Variants in DIDO1 observed in about 807,000 individuals in gnomAD.
The protein encoded by DIDO1 is death-inducer obliterator 1.
Under a neutral mutation model 99.4 loss-of-function variants are expected in DIDO1, and 16 were observed. That is an observed-to-expected ratio of 0.16 (90% CI 0.11 to 0.24). DIDO1 has a LOEUF of 0.24. DIDO1 is among the 10% of genes least tolerant of loss of function. DIDO1 has a pLI of 1.00. For missense variants in DIDO1, 2,996 were observed against 3,014.0 expected (o/e 0.99, Z 0.14); for synonymous variants, 1,366 against 1,239.1 (o/e 1.10, Z -2.15).
intron 6 of DIDO1, among the ~76,000 whole-genome samples, chr20:62,904,807 A>AAAAAAAAAAAAAAAAAAAAAAAT (rs1568859998): frequency 7.1e-6 from 1 of 141,706 alleles, no homozygotes; most frequent in Admixed American, 7.2e-5. Context: ...AAAAAAAAAA[A>AAAAAAAAAAAAAAAAAAAAAAAT]GTGTCTTTTT....
In DIDO1 at chr20:62,896,210, A is replaced by C; in HGVS notation, c.2214+23T>G. The stretch of plus-strand genomic sequence containing the variant: ...CAGCGAACAGAACAGGAATACTCCA[A>C]TGCACCGACACCAGGCACACACCTG... On this transcript the variant is annotated intron_variant, in intron 8 of 15. Coordinates refer to ENST00000395343, the MANE Select transcript of DIDO1 (RefSeq NM_001193369.2). The surrounding 1 kb of genome is among the most constrained non-coding windows in gnomAD (Gnocchi z 4.4). 1 of 1,608,308 alleles carries C rather than the reference A, an allele frequency of 6.2e-7. No individual in the cohort carries two copies. Among genetic ancestry groups the C allele is most frequent in the East Asian group, 2.2e-5 (1 of 44,840 alleles).
chr20:62,901,817 GAAAA>G (rs11467476), intron 6 of DIDO1, among the ~76,000 whole-genome samples: 56 of 113,100 alleles, frequency 5.0e-4, no homozygotes, highest in African/African-American at 1.4e-3. Context: ...TGTGTTAACA[GAAAA>G]AAAAAAAAAA....
chr20:62,885,505 GACTCGTTAGTCTTGAAAACAGCA>G (rs2147365060), intron 15 of DIDO1, among the ~76,000 whole-genome samples: 1 of 152,324 alleles, frequency 6.6e-6, no homozygotes, highest in African/African-American at 2.4e-5. Flanking sequence ...ACCCTGGCAA[GACTCGTTAGTCTTGAAAACAGCA>G]ACCGTCTGGA....
chr20:62,917,761 ATATTC>A (rs759851590), intron 1 of DIDO1, among the ~76,000 whole-genome samples: 3 of 152,272 alleles, frequency 2.0e-5, no homozygotes, highest in African/African-American at 4.8e-5. Flanking sequence ...GAAAATTGGC[ATATTC>A]TAAACATTCG....
chr20:62,895,768 T>C (rs187212945), intron 8 of DIDO1, among the ~76,000 whole-genome samples: 1 of 152,304 alleles, frequency 6.6e-6, no homozygotes, highest in African/African-American at 2.4e-5. Context: ...TACCTGGGCG[T>C]GAGCAGCCCC....
Position 62,894,087 on chromosome 20 carries a change from G to C in DIDO1, c.2680C>G (p.Pro894Ala), listed in dbSNP as rs2064461015. The change falls in exon 12 of 16, where the codon CCA (proline) becomes GCA (alanine). Residue 894 changes from proline to alanine, a missense_variant. By Grantham distance (27) the Pro-to-Ala change is conservative. Around this residue, in one of 5 missense-constraint regions of DIDO1, gnomAD observed 898 missense variants for 972.7 expected, o/e 0.92. Transcript: ENST00000395343. The surrounding 1 kb of genome is among the most constrained non-coding windows in gnomAD (Gnocchi z 4.4). ...ACCTCATCAGCTGAATCCGGAGCTG[G>C]GTCAGGTGCAGAGCTGTCATGCTTT... ...KSKHDSSAPD[P>A]APDSADEVMP... The C allele has an allele frequency of 6.2e-7, 1 of 1,614,084 alleles. No individual in the cohort carries two copies. The highest frequency in any genetic ancestry group is 8.5e-7 in the Non-Finnish European group (1 of 1,180,038).
rs2064154678 is a variant in DIDO1, at chr20:62,879,321, T to C, written c.6635A>G (p.Lys2212Arg). The part of the protein sequence containing the change: ...ARDRERGRDR[K>R]DRSKSKESAR... ...GCTCTCTTTGCTCTTGCTCCGGTCC[T>C]TGCGGTCGCGGCCCCGCTCCCTGTC... The change falls in exon 16 of 16, where the codon AAG (lysine) becomes AGG (arginine). Residue 2212 changes from lysine (K) to arginine (R), a missense_variant. By Grantham distance (26) the Lys-to-Arg change is conservative. This residue lies in a region of DIDO1 where 1,562 missense variants were observed against 1,412.6 expected (regional missense o/e 1.11). Transcript: ENST00000395343. The surrounding 1 kb of genome is among the most constrained non-coding windows in gnomAD (Gnocchi z 6.3). The C allele has an allele frequency of 1.3e-6, 2 of 1,568,092 alleles. No individual in the cohort carries two copies. Among genetic ancestry groups the C allele is most frequent in the Non-Finnish European group, 1.7e-6 (2 of 1,158,826 alleles).
In DIDO1 at chr20:62,905,960, C is replaced by A; in HGVS notation, c.1515G>T (p.Trp505Cys). The change falls in exon 6 of 16, where the codon TGG becomes TGT. Residue 505 changes from tryptophan to cysteine, a missense_variant. Transcript: ENST00000395343. ...CTGCATTGTAATTGTGATCGCTCGCCCACGACGGCGTGCTGCTCTCACAAG... is the reference window on the plus strand; with the variant it reads ...CTGCATTGTAATTGTGATCGCTCGCACACGACGGCGTGCTGCTCTCACAAG... ...EAACESSTPSWASDHNYNAVK... is the reference protein window; with the variant it reads ...EAACESSTPSCASDHNYNAVK... 6.2e-7 allele frequency: 1 copy of A among 1,614,042 alleles called. No homozygotes were observed. Among genetic ancestry groups the A allele is most frequent in the South Asian group, 1.1e-5 (1 of 91,074 alleles).
At chr20:62,886,030 T>C (rs1333074237) in intron 15 of DIDO1, among the ~76,000 whole-genome samples, 2 of 151,540 alleles carry the variant, frequency 1.3e-5, no homozygotes, top group South Asian at 2.1e-4. Flanking sequence ...GGAGGGAGAG[T>C]GCCCCGGGAA....
chr20:62,936,150 C>A (rs569422037), intron 1 of DIDO1, among the ~76,000 whole-genome samples: 1 of 152,202 alleles, frequency 6.6e-6, no homozygotes, highest in Non-Finnish European at 1.5e-5. Flanking sequence ...TGGTGGCTGA[C>A]GCCTGTAAAC....
In DIDO1 at chr20:62,894,724, T is replaced by G; in HGVS notation, c.2436+86A>C. ...GACATACACCTGCTGTAAGCTCAGG[T>G]CCTGCCCAATAATTTAAGATAACCT... On this transcript the variant is annotated intron_variant, in intron 10 of 15. Coordinates refer to ENST00000395343, the MANE Select transcript of DIDO1 (RefSeq NM_001193369.2). This position sits in a 1 kb window ranked among gnomAD's most constrained non-coding sequence, Gnocchi z 4.4. 4 of 1,436,366 alleles carry G rather than the reference T, an allele frequency of 2.8e-6. No homozygotes were observed. The highest frequency in any genetic ancestry group is 3.8e-6 in the Non-Finnish European group (4 of 1,056,448). 89.0% of individuals were successfully genotyped at this position (1,436,366 alleles called of 1,614,324 possible). A position where few individuals can be genotyped will look rare whatever the true frequency, so the allele number is the denominator to read the frequency against.
chr20:62,902,643 A>T (rs2064709609), intron 6 of DIDO1, among the ~76,000 whole-genome samples: 3 of 152,118 alleles, frequency 2.0e-5, no homozygotes, highest in African/African-American at 4.8e-5. Flanking sequence ...CCACACCATG[A>T]GTTATCCTTG....
At chr20:62,900,484 A>G (rs1356157959) in intron 6 of DIDO1, among the ~76,000 whole-genome samples, 1 of 152,174 alleles carries the variant, frequency 6.6e-6, no homozygotes, top group South Asian at 2.1e-4. Flanking sequence ...CCCCCACTGG[A>G]GGATGGTGCT....
At chr20:62,900,608 GCCC>G (rs1462060939) in intron 6 of DIDO1, among the ~76,000 whole-genome samples, 1 of 152,218 alleles carries the variant, frequency 6.6e-6, no homozygotes, top group African/African-American at 2.4e-5. Context: ...CTGTCCAGAG[GCCC>G]CCATGTAGCA....
intron 1 of DIDO1, among the ~76,000 whole-genome samples, chr20:62,924,991 G>C (rs559270119): frequency 6.6e-6 from 1 of 152,202 alleles, no homozygotes; most frequent in Non-Finnish European, 1.5e-5. Flanking sequence ...CAGCAAGTAG[G>C]AAAACAAGTG....
intron 4 of DIDO1, 117 bp from the exon 5 acceptor site, chr20:62,907,476 T>A: frequency 2.1e-6 from 2 of 945,844 alleles, no homozygotes; most frequent in Non-Finnish European, 3.2e-6. Flanking sequence ...AATGAGATAC[T>A]AACAGTACTT....
In DIDO1 at chr20:62,881,002, C is replaced by G. The variant is rs1397890074; in HGVS notation, c.4954G>C (p.Ala1652Pro). 4 of 1,605,798 alleles carry G rather than the reference C, an allele frequency of 2.5e-6. No individual in the cohort carries two copies. Among genetic ancestry groups the G allele is most frequent in the African/African-American group, 1.3e-5 (1 of 74,998 alleles). ...AGCAGCACCCTCCGGGCAGGCCTGGCCGAGCTGTCTCCAACCGTGGCGGGG... is the reference window on the plus strand; with the variant it reads ...AGCAGCACCCTCCGGGCAGGCCTGGGCGAGCTGTCTCCAACCGTGGCGGGG... ...TRPATVGDSS[A>P]RPARRVLLPT... Residue 1652 changes from alanine (A) to proline (P), a missense_variant, in exon 16 of 16, where the codon GCC (alanine) becomes CCC (proline). Transcript: ENST00000395343. This position sits in a 1 kb window ranked among gnomAD's most constrained non-coding sequence, Gnocchi z 8.3.
chr20:62,901,615 G>C (rs959972765), intron 6 of DIDO1, among the ~76,000 whole-genome samples: 6 of 152,134 alleles, frequency 3.9e-5, no homozygotes, highest in Non-Finnish European at 7.4e-5. Context: ...AAAGCCCCTA[G>C]CTGACAGCAC....
chr20:62,936,150 C>T (rs569422037), intron 1 of DIDO1, among the ~76,000 whole-genome samples: 1 of 152,320 alleles, frequency 6.6e-6, no homozygotes, highest in Non-Finnish European at 1.5e-5. Context: ...TGGTGGCTGA[C>T]GCCTGTAAAC....
Sources: gnomAD v4.1 joint callset for allele counts (sites outside exome capture counted in the v4.1 genomes callset) on GRCh38, gnomAD v4.1.1 for gene constraint, gnomAD v4.1.1 regional missense constraint, Gnocchi (gnomAD v3.1) non-coding constraint, MANE v1.5 for transcripts, NCBI Gene and HGNC (gene_info 2026-07-23, HGNC 2026-07-21) for gene names.